XKR4: variants seen among roughly 807,000 people sequenced by gnomAD.
XKR4 encodes XK-related protein 4.
In XKR4, 12 loss-of-function variants were observed where a neutral mutation model predicts 53.9. The ratio of observed to expected loss-of-function variants is 0.22; its 90% CI spans 0.14 to 0.36. The LOEUF (loss-of-function observed/expected upper bound fraction) is 0.36, where lower values mean the gene tolerates loss of function less well. Among genes scored for constraint, XKR4 ranks in the 10% least tolerant of loss-of-function variants. XKR4 has a pLI of 1.00. For missense variants in XKR4, 799 were observed against 859.5 expected (o/e 0.93, Z 0.88); for synonymous variants, 354 against 362.4 (o/e 0.98, Z 0.26).
chr8:55,152,518 AGTCAT>A (rs1816852591), intron 1 of XKR4, among the ~76,000 whole-genome samples: 1 of 152,204 alleles, frequency 6.6e-6, no homozygotes, highest in Non-Finnish European at 1.5e-5. Context: ...ATGAATGGTC[AGTCAT>A]TTACATTCTA....
chr8:55,114,770 G>C (rs1261975849), intron 1 of XKR4, among the ~76,000 whole-genome samples: 3 of 152,190 alleles, frequency 2.0e-5, no homozygotes, highest in Non-Finnish European at 2.9e-5. Context: ...AAGCTCATGA[G>C]CAACTCATCT....
intron 2 of XKR4, among the ~76,000 whole-genome samples, chr8:55,438,435 C>T (rs749557964): frequency 4.6e-5 from 7 of 151,126 alleles, no homozygotes; most frequent in Non-Finnish European, 7.4e-5. Flanking sequence ...AAAAAAAATA[C>T]AAAAATGAGC....
At chr8:55,242,021 A>G (rs141632392) in intron 1 of XKR4, among the ~76,000 whole-genome samples, 8 of 152,356 alleles carry the variant, frequency 5.3e-5, no homozygotes, top group Admixed American at 5.2e-4. Context: ...TGAAATGTAA[A>G]TAATTTTAAA....
At position 55,541,235 on chromosome 8, in the gene XKR4, A is replaced by G. The variant is rs925880678; in HGVS notation, c.*17008A>G. ...CAATTTTCAAAAATTTGTACATGAT[A>G]TACACCACCCAACCTCAGGAGGTTG... On this transcript the variant is annotated 3_prime_UTR_variant, in exon 3 of 3. Transcript: ENST00000327381. 9.2e-5 allele frequency: 14 copies of G among 152,176 alleles called. No individual in the cohort carries two copies. Among genetic ancestry groups the G allele is most frequent in the African/African-American group, 3.4e-4 (14 of 41,450 alleles). The allele number at this position is 152,176 out of a possible 1,614,324, so 9.4% of individuals were successfully genotyped here.
At chr8:55,231,437 T>C (rs1156825621) in intron 1 of XKR4, among the ~76,000 whole-genome samples, 3 of 152,314 alleles carry the variant, frequency 2.0e-5, no homozygotes, top group Non-Finnish European at 2.9e-5. Flanking sequence ...TGATTTAACG[T>C]ATACTGTTGT....
At chr8:55,364,790 G>A (rs888095252) in intron 2 of XKR4, among the ~76,000 whole-genome samples, 4 of 151,846 alleles carry the variant, frequency 2.6e-5, no homozygotes, top group African/African-American at 7.3e-5. Context: ...CCGCCACCAC[G>A]CCCGACTAAT....
At chr8:55,136,787 G>C (rs1816637050) in intron 1 of XKR4, among the ~76,000 whole-genome samples, 1 of 152,126 alleles carries the variant, frequency 6.6e-6, no homozygotes, top group Non-Finnish European at 1.5e-5. Context: ...AATCATTTTA[G>C]CTTAAGTTTA....
At chr8:55,484,034 G>A (rs1014732393) in intron 2 of XKR4, among the ~76,000 whole-genome samples, 1 of 152,168 alleles carries the variant, frequency 6.6e-6, no homozygotes, top group Admixed American at 6.5e-5. Context: ...AATATCCAGA[G>A]TGAAGCAAGA....
chr8:55,303,243 T>A (rs1049036171), intron 1 of XKR4, among the ~76,000 whole-genome samples: 1 of 152,246 alleles, frequency 6.6e-6, no homozygotes, highest in South Asian at 2.1e-4. Context: ...TTTCTGCATC[T>A]ATTGATATAA....
intron 1 of XKR4, among the ~76,000 whole-genome samples, chr8:55,186,579 C>T (rs1204455269): frequency 3.3e-5 from 5 of 152,052 alleles, no homozygotes; most frequent in African/African-American, 1.2e-4. Flanking sequence ...TGGCATGAAC[C>T]CAGGAGGCAG....
chr8:55,383,611 G>C (rs1207234355), intron 2 of XKR4, among the ~76,000 whole-genome samples: 1 of 152,144 alleles, frequency 6.6e-6, no homozygotes, highest in Non-Finnish European at 1.5e-5. Context: ...GATATTAAAT[G>C]GTTAACATTT....
intron 1 of XKR4, among the ~76,000 whole-genome samples, chr8:55,174,478 G>A (rs1817203642): frequency 6.6e-6 from 1 of 152,076 alleles, no homozygotes; most frequent in Non-Finnish European, 1.5e-5. Context: ...GAGCATCCGG[G>A]GCTTCACAAA....
At chr8:55,460,838 T>C (rs780524105) in intron 2 of XKR4, among the ~76,000 whole-genome samples, 17 of 152,234 alleles carry the variant, frequency 1.1e-4, no homozygotes, top group Non-Finnish European at 2.4e-4. Context: ...ATTATATCCC[T>C]CACATGGCTT....
chr8:55,150,478 T>A (rs1816826655), intron 1 of XKR4, among the ~76,000 whole-genome samples: 1 of 152,224 alleles, frequency 6.6e-6, no homozygotes, highest in Admixed American at 6.5e-5. Context: ...AGTATGGTTC[T>A]TGTAAAGATA....
intron 1 of XKR4, among the ~76,000 whole-genome samples, chr8:55,240,158 T>G (rs900607741): frequency 3.3e-5 from 5 of 152,238 alleles, no homozygotes; most frequent in African/African-American, 1.2e-4. Flanking sequence ...AACTTTGAAC[T>G]GAATTAATCA....
intron 2 of XKR4, among the ~76,000 whole-genome samples, chr8:55,520,667 A>G (rs1563372196): frequency 6.6e-6 from 1 of 152,246 alleles, no homozygotes; most frequent in Non-Finnish European, 1.5e-5. Flanking sequence ...TCACAGGGAC[A>G]TGAAATTTCC....
intron 1 of XKR4, among the ~76,000 whole-genome samples, chr8:55,269,946 G>T (rs1818662964): frequency 1.3e-5 from 2 of 152,228 alleles, no homozygotes; most frequent in Non-Finnish European, 2.9e-5. Context: ...AACTATGGTA[G>T]GTTGATGATG....
chr8:55,356,333 T>C (rs1312549265), intron 1 of XKR4, among the ~76,000 whole-genome samples: 1 of 152,166 alleles, frequency 6.6e-6, no homozygotes, highest in Non-Finnish European at 1.5e-5. Context: ...CTAACACTAA[T>C]TACCCATTTG....
intron 1 of XKR4, among the ~76,000 whole-genome samples, chr8:55,263,010 A>G (rs1585974642): frequency 6.6e-6 from 1 of 152,114 alleles, no homozygotes; most frequent in South Asian, 2.1e-4. Flanking sequence ...CCTGCACAGC[A>G]TTGGCCTCTG....
Sources: allele counts gnomAD v4.1 joint callset (sites outside exome capture counted in the v4.1 genomes callset), GRCh38; gene constraint gnomAD v4.1.1; transcripts MANE v1.5; gene names NCBI Gene and HGNC (gene_info 2026-07-23, HGNC 2026-07-21).